Variants in PTHLH observed in about 807,000 individuals in gnomAD.
The protein encoded by PTHLH is parathyroid hormone like hormone.
PTHLH carries 5 observed loss-of-function variants against 18.6 expected under a neutral mutation model. That is an observed-to-expected ratio of 0.27 (90% confidence interval 0.14 to 0.56). The LOEUF is 0.56. Among genes scored for constraint, PTHLH ranks in the 20% least tolerant of loss-of-function variants. PTHLH has a pLI of 0.92. For missense variants in PTHLH, 207 were observed against 223.9 expected (o/e 0.92, Z 0.48); for synonymous variants, 90 against 94.0 (o/e 0.96, Z 0.25).
chr12:27,964,154 C>G (rs1488221611), intron 4 of PTHLH, among the ~76,000 whole-genome samples: 1 of 152,070 alleles, frequency 6.6e-6, no homozygotes, highest in Admixed American at 6.6e-5. Flanking sequence ...TATCTCTTCA[C>G]ATTTTTCAGA....
At chr12:27,967,174 A>G (rs1470331576) in intron 4 of PTHLH, among the ~76,000 whole-genome samples, 1 of 152,234 alleles carries the variant, frequency 6.6e-6, no homozygotes, top group Non-Finnish European at 1.5e-5. Flanking sequence ...ACATAGAGAT[A>G]GCCACCTGCC....
At chr12:27,964,231 G>C (rs1015384023) in intron 4 of PTHLH, among the ~76,000 whole-genome samples, 2 of 94,220 alleles carry the variant, frequency 2.1e-5, no homozygotes, top group African/African-American at 9.3e-5. Flanking sequence ...TTTTACCTGA[G>C]TATTCTCTCT....
At chr12:27,965,685 GTCTC>G (rs1175173074) in intron 4 of PTHLH, among the ~76,000 whole-genome samples, 1 of 152,162 alleles carries the variant, frequency 6.6e-6, no homozygotes, top group African/African-American at 2.4e-5. Context: ...GCATGAAGGA[GTCTC>G]TCTTTCTTTT....
intron 4 of PTHLH, among the ~76,000 whole-genome samples, chr12:27,967,532 C>A (rs3794275): frequency 0.013 from 1,991 of 152,242 alleles, 86 homozygotes; most frequent in East Asian, 0.12. Context: ...GTCTAGCACA[C>A]AAAATTTACT....
chr12:27,962,987 T>C, intron 5 of PTHLH: 1 of 1,156,930 alleles, frequency 8.6e-7, no homozygotes, highest in Non-Finnish European at 1.1e-6. Flanking sequence ...TTTGCCCAGG[T>C]GTGAGAGTAA....
At chr12:27,961,319 ATAC>A (rs2062757451) in intron 5 of PTHLH, among the ~76,000 whole-genome samples, 1 of 120,512 alleles carries the variant, frequency 8.3e-6, no homozygotes, top group South Asian at 2.9e-4. Flanking sequence ...ATATATATAT[ATAC>A]GTATATATAT....
chr12:27,964,739 T>C (rs111610745), intron 4 of PTHLH, among the ~76,000 whole-genome samples: 22 of 152,358 alleles, frequency 1.4e-4, no homozygotes, highest in African/African-American at 4.6e-4. Flanking sequence ...TAAATGACAC[T>C]CTAATGAAAA....
intron 2 of PTHLH, among the ~76,000 whole-genome samples, 179 bp downstream of exon 2, chr12:27,971,748 C>T (rs2062873279): frequency 6.6e-6 from 1 of 152,058 alleles, no homozygotes; most frequent in Non-Finnish European, 1.5e-5. Context: ...TTAAAAGACT[C>T]GGCTTCTTCT....
At chr12:27,962,412 G>A (rs2062770343) in intron 5 of PTHLH, 4 of 410,990 alleles carry the variant, frequency 9.7e-6, no homozygotes, top group Non-Finnish European at 1.3e-5. Context: ...CTATGAGGTT[G>A]GTACAATTAT....
intron 2 of PTHLH, among the ~76,000 whole-genome samples, chr12:27,971,285 T>C (rs1038286955): frequency 6.6e-6 from 1 of 152,078 alleles, no homozygotes; most frequent in Non-Finnish European, 1.5e-5. Context: ...CGAGGTTCTT[T>C]CCAAAGCTAA....
At chr12:27,968,452 G>A (rs1258918061) in intron 4 of PTHLH, among the ~76,000 whole-genome samples, 1 of 152,094 alleles carries the variant, frequency 6.6e-6, no homozygotes, top group Non-Finnish European at 1.5e-5. Context: ...CTCAGTTCTC[G>A]AACTTTATAG....
In PTHLH at chr12:27,963,343, G is replaced by A; in HGVS notation, c.524+5C>T. On this transcript the variant is annotated splice_donor_5th_base_variant and intron_variant, in intron 5 of 5. Coordinates refer to ENST00000545234, the MANE Select transcript of PTHLH (RefSeq NM_198965.2). ...CTGAGGCTACGGGCCAGAGAAGCCT[G>A]TTACCGTGAATCGAGCTCCAGCGAC... 6.2e-7 allele frequency: 1 copy of A among 1,614,232 alleles called. No individual in the cohort carries two copies. Among genetic ancestry groups the A allele is most frequent in the South Asian group, 1.1e-5 (1 of 91,088 alleles).
intron 5 of PTHLH, chr12:27,961,714 T>C: frequency 2.1e-6 from 1 of 468,770 alleles, no homozygotes; most frequent in Non-Finnish European, 3.7e-6. Flanking sequence ...AAGATTTTTC[T>C]AGTGCCACTG....
At chr12:27,970,939 A>G (rs897094638) in intron 2 of PTHLH, among the ~76,000 whole-genome samples, 6 of 152,188 alleles carry the variant, frequency 3.9e-5, no homozygotes, top group African/African-American at 1.4e-4. Context: ...GAACAAAAAC[A>G]GTTCCAGATT....
intron 5 of PTHLH, among the ~76,000 whole-genome samples, chr12:27,961,307 A>ATATATATACACG (rs2062755986): frequency 1.6e-5 from 1 of 63,256 alleles, no homozygotes; most frequent in African/African-American, 5.3e-5. Flanking sequence ...ATACGTATAT[A>ATATATATACACG]TATATATATA....
chr12:27,961,311 AT>A (rs2062756734), intron 5 of PTHLH, among the ~76,000 whole-genome samples: 1 of 108,722 alleles, frequency 9.2e-6, no homozygotes, highest in East Asian at 2.3e-4. Flanking sequence ...GTATATATAT[AT>A]ATATATATAC....
At chr12:27,961,323 G>GTATATATATACGTA (rs2062758189) in intron 5 of PTHLH, among the ~76,000 whole-genome samples, 7 of 91,928 alleles carry the variant, frequency 7.6e-5, no homozygotes, top group Admixed American at 2.9e-4. Flanking sequence ...ATATATATAC[G>GTATATATATACGTA]TATATATATA....
intron 2 of PTHLH, among the ~76,000 whole-genome samples, chr12:27,970,973 C>T (rs530216711): frequency 1.3e-4 from 20 of 152,238 alleles, no homozygotes; most frequent in Non-Finnish European, 2.2e-4. Context: ...GCACTTTTTG[C>T]TGTTTCAGAA....
intron 5 of PTHLH, among the ~76,000 whole-genome samples, chr12:27,960,991 G>C (rs116982836): frequency 6.6e-6 from 1 of 151,778 alleles, no homozygotes; most frequent in South Asian, 2.1e-4. Context: ...GGATTGTGTT[G>C]GGAGAGTGCC....
Sources: allele counts gnomAD v4.1 joint callset (sites outside exome capture counted in the v4.1 genomes callset), GRCh38; gene constraint gnomAD v4.1.1; transcripts MANE v1.5; gene names NCBI Gene and HGNC (gene_info 2026-07-23, HGNC 2026-07-21).